The following FDXR variants were observed in gnomAD, a reference collection of about 807,000 sequenced individuals.
The protein encoded by FDXR is ferredoxin reductase.
A neutral mutation model predicts 58.3 loss-of-function variants in FDXR; 38 were observed. The observed-to-expected ratio is 0.65, with a 90% CI of 0.50 to 0.85. The LOEUF is 0.85. Among genes scored for constraint, FDXR ranks in the 40% least tolerant of loss-of-function variants. The probability of loss-of-function intolerance (pLI) is 0.00; values close to 1 mark genes in which losing one functional copy is unlikely to be tolerated. For missense variants in FDXR, 624 were observed against 671.0 expected, an observed-to-expected ratio of 0.93 and a Z score of 0.77; for synonymous variants, 275 against 273.8, an observed-to-expected ratio of 1.00 and a Z score of -0.04.
In FDXR at chr17:74,862,916, C is replaced by T. The variant is rs540254888; in HGVS notation, c.1377G>A (p.Glu459=). The T allele has an allele frequency of 4.3e-6, 7 of 1,613,010 alleles. No homozygotes were observed. The East Asian group carries it at 1.6e-4, about 36-fold the overall frequency. Reference sequence around the variant, plus strand: ...GGGCCACCTCCTCGGCATCCAGCTTCTCCCAGTCTGAGAAAGAGACTGGCC... The same window carrying T: ...GGGCCACCTCCTCGGCATCCAGCTTTTCCCAGTCTGAGAAAGAGACTGGCC... ...GVRPVSFSDW[E]KLDAEEVARG... The change falls in exon 12 of 12, where the codon GAG becomes GAA. Residue 459 remains glutamate (E), a synonymous_variant. Coordinates refer to ENST00000293195, the MANE Select transcript of FDXR (RefSeq NM_024417.5).
intron 2 of FDXR, 84 bp downstream of exon 2, chr17:74,871,952 G>T (rs2038387231): frequency 9.8e-7 from 1 of 1,019,068 alleles, no homozygotes; most frequent in Non-Finnish European, 1.4e-6. Context: ...GCAACCAGGA[G>T]TGCTCTTAAA....
intron 6 of FDXR, 128 bp from the exon 7 acceptor site, chr17:74,865,059 T>C: frequency 7.6e-7 from 1 of 1,315,996 alleles, no homozygotes. Context: ...TGCTCCCCCC[T>C]GGTGGCCAGA....
chr17:74,870,643 T>G (rs117502526), intron 2 of FDXR, among the ~76,000 whole-genome samples: 2 of 150,840 alleles, frequency 1.3e-5, no homozygotes, highest in Non-Finnish European at 2.9e-5. Flanking sequence ...CCAGCCCCCA[T>G]GTGCTCCCTG....
At chr17:74,863,002 C>G in intron 11 of FDXR, 55 bp from the exon 12 acceptor site, 1 of 1,603,804 alleles carries the variant, frequency 6.2e-7, no homozygotes. Flanking sequence ...CCAGAACAGC[C>G]CCCTCCCAAA....
Position 74,862,898 on chromosome 17 carries a change from C to T in FDXR, c.1395G>A (p.Glu465=), listed in dbSNP as rs1406791834. ...FSDWEKLDAE[E]VARGQGTGKP... is the part of the protein sequence containing the mutation. ...TCCCCGTGCCCTGGCCCCGGGCCAC[C>T]TCCTCGGCATCCAGCTTCTCCCAGT... Residue 465 remains glutamate, a synonymous_variant, in exon 12 of 12, where the codon GAG becomes GAA. Coordinates refer to ENST00000293195, the MANE Select transcript of FDXR (RefSeq NM_024417.5). 6.2e-7 allele frequency: 1 copy of T among 1,613,220 alleles called. No individual in the cohort carries two copies. Among genetic ancestry groups the T allele is most frequent in the Non-Finnish European group, 8.5e-7 (1 of 1,180,002 alleles).
intron 2 of FDXR, 130 bp from the exon 3 acceptor site, chr17:74,867,006 C>G: frequency 1.3e-6 from 2 of 1,488,036 alleles, no homozygotes; most frequent in South Asian, 2.7e-5. Context: ...CTTCCACCCT[C>G]TGCAAGGAAA....
At chr17:74,872,732 G>A (rs1355204639) in intron 1 of FDXR, 134 bp downstream of exon 1, 11 of 1,522,144 alleles carry the variant, frequency 7.2e-6, no homozygotes, top group Non-Finnish European at 7.9e-6. Context: ...TACACCACCG[G>A]GATCTCGCCA....
rs906243867 is a variant in FDXR at position 74,862,739 on chromosome 17, G to A, written c.*78C>T. The A allele has an allele frequency of 6.6e-6, 10 of 1,512,982 alleles. No homozygotes were observed. Among genetic ancestry groups the A allele is most frequent in the East Asian group, 4.6e-5 (2 of 43,948 alleles). The allele number at this position is 1,512,982 out of a possible 1,614,324, so 93.7% of individuals were successfully genotyped here. A position where few individuals can be genotyped will look rare whatever the true frequency, so the allele number is the denominator to read the frequency against. ...CGGCCGGGATCAGCAGAGGTGCAAA[G>A]TCCCACTCAGACGGACCCAGCCCTT... is the stretch of plus-strand genomic sequence containing the variant. On this transcript the variant is annotated 3_prime_UTR_variant, in exon 12 of 12. Coordinates refer to ENST00000293195, the MANE Select transcript of FDXR (RefSeq NM_024417.5).
Position 74,872,887 on chromosome 17 carries a change from G to A in FDXR, c.58C>T (p.Pro20Ser), listed in dbSNP as rs1343774031. ...CTACTCGGGGTGCTCCCGGCGGGAG[G>A]CAGCCGGGTCCGAGGCCACGCCGAC... Reference protein sequence around the residue: ...GWSAWPRTRLPPAGSTPSFCH... With the variant: ...GWSAWPRTRLSPAGSTPSFCH... Residue 20 changes from proline (P) to serine (S), a missense_variant, in exon 1 of 12, where the codon CCT becomes TCT. Coordinates refer to ENST00000293195, the MANE Select transcript of FDXR (RefSeq NM_024417.5). 1.3e-6 allele frequency: 2 copies of A among 1,550,148 alleles called. No homozygotes were observed. The highest frequency in any genetic ancestry group is 1.2e-5 in the South Asian group (1 of 84,184).
At chr17:74,872,162 G>A (rs1237516392) in intron 1 of FDXR, 29 bp from the exon 2 acceptor site, 23 of 1,601,216 alleles carry the variant, frequency 1.4e-5, no homozygotes, top group Non-Finnish European at 2.0e-5. Flanking sequence ...GAGGGAAAAG[G>A]TCAAAATTAA....
chr17:74,866,604 G>A, intron 3 of FDXR, 36 bp from the exon 4 acceptor site: 1 of 1,613,128 alleles, frequency 6.2e-7, no homozygotes, highest in Non-Finnish European at 8.5e-7. Context: ...GGGTTAGAGG[G>A]TAAGGCAGCT....
intron 1 of FDXR, chr17:74,872,549 C>CAG: frequency 1.6e-6 from 1 of 625,128 alleles, no homozygotes; most frequent in Non-Finnish European, 2.8e-6. Context: ...CTTATTCCTA[C>CAG]AGATCCCTGT....
At chr17:74,867,679 C>A (rs113306036) in intron 2 of FDXR, among the ~76,000 whole-genome samples, 1 of 152,172 alleles carries the variant, frequency 6.6e-6, no homozygotes, top group African/African-American at 2.4e-5. Context: ...GTCTCAGGCA[C>A]TGGTTCTGCA....
chr17:74,863,151 C>T lies in FDXR; in HGVS notation c.1270G>A (p.Asp424Asn). ...SFLTGQMLLQ[D>N]LKAGLLPSGP... The stretch of plus-strand genomic sequence containing the variant: ...GAGGGGAGCAACCCAGCCTTCAGGT[C>T]CTGCAGCAGCATCTGGCCGGTGAGG... Residue 424 changes from aspartate to asparagine, a missense_variant, in exon 11 of 12, where the codon GAC becomes AAC. Asp to Asn is a conservative substitution (Grantham distance 23, BLOSUM62 1). Coordinates refer to ENST00000293195, the MANE Select transcript of FDXR (RefSeq NM_024417.5). 6.2e-7 allele frequency: 1 copy of T among 1,613,784 alleles called. No homozygotes were observed.
intron 6 of FDXR, 74 bp from the exon 7 acceptor site, chr17:74,865,005 C>A: frequency 6.2e-7 from 1 of 1,602,382 alleles, no homozygotes; most frequent in Non-Finnish European, 8.5e-7. Context: ...GGTCATGTCC[C>A]CACCGTGGGC....
Position 74,862,761 on chromosome 17 carries a change from C to T in FDXR, c.*56G>A. ...AAAGTCCCACTCAGACGGACCCAGCCCTTCCCCTCCCAACACTCATCCCTT... is the reference window on the plus strand; with the variant it reads ...AAAGTCCCACTCAGACGGACCCAGCTCTTCCCCTCCCAACACTCATCCCTT... On this transcript the variant is annotated 3_prime_UTR_variant, in exon 12 of 12. Coordinates refer to ENST00000293195, the MANE Select transcript of FDXR (RefSeq NM_024417.5). 2 of 1,557,202 alleles carry T rather than the reference C, an allele frequency of 1.3e-6. No individual in the cohort carries two copies. Among genetic ancestry groups the T allele is most frequent in the Non-Finnish European group, 1.7e-6 (2 of 1,154,428 alleles).
intron 2 of FDXR, chr17:74,868,492 CA>C (rs2038268533): frequency 8.2e-7 from 1 of 1,219,606 alleles, no homozygotes. Flanking sequence ...CCCAGTGCCA[CA>C]GCATAAAGTT....
rs1045278934 is a variant in FDXR at position 74,872,991 on chromosome 17, C to T, written c.-47G>A. On this transcript the variant is annotated 5_prime_UTR_variant, in exon 1 of 12. Coordinates refer to ENST00000293195, the MANE Select transcript of FDXR (RefSeq NM_024417.5). Reference sequence around the variant, plus strand: ...AGTGGATCTGTTCCTAGCTACTGCTCCGCAGGGCAAGCCCGCTCCTGCCCG... The same window carrying T: ...AGTGGATCTGTTCCTAGCTACTGCTTCGCAGGGCAAGCCCGCTCCTGCCCG... 1.3e-6 allele frequency: 2 copies of T among 1,515,278 alleles called. No homozygotes were observed. Among genetic ancestry groups the T allele is most frequent in the African/African-American group, 1.4e-5 (1 of 72,390 alleles). The allele number at this position is 1,515,278 out of a possible 1,614,324, so 93.9% of individuals were successfully genotyped here.
Position 74,865,054 on chromosome 17 carries a change from C to T in FDXR, c.610-123G>A, listed in dbSNP as rs770035976. 177 of 1,385,328 alleles carry T rather than the reference C, an allele frequency of 1.3e-4. 1 individual carries two copies. Among genetic ancestry groups the T allele is most frequent in the Non-Finnish European group, 1.7e-4 (168 of 998,920 alleles). 85.8% of individuals were successfully genotyped at this position (1,385,328 alleles called of 1,614,324 possible). ...GCGGCTCAAAATTGCGCCACTGCTC[C>T]CCCCTGGTGGCCAGATGGAGCATTG... On this transcript the variant is annotated intron_variant, in intron 6 of 11. Coordinates refer to ENST00000293195, the MANE Select transcript of FDXR (RefSeq NM_024417.5).
Sources: gnomAD v4.1 joint callset for allele counts (sites outside exome capture counted in the v4.1 genomes callset) on GRCh38, gnomAD v4.1.1 for gene constraint, MANE v1.5 for transcripts, NCBI Gene and HGNC (gene_info 2026-07-23, HGNC 2026-07-21) for gene names.